NRG3: variants seen among roughly 807,000 people sequenced by gnomAD.
NRG3 encodes neuregulin 3.
A neutral mutation model predicts 66.9 loss-of-function variants in NRG3; 31 were observed. The observed-to-expected ratio is 0.46, with a 90% CI of 0.35 to 0.63. NRG3 has a LOEUF of 0.63. Among genes scored for constraint, NRG3 ranks in the 20% least tolerant of loss-of-function variants. The pLI, the probability that NRG3 is intolerant of heterozygous loss-of-function variation, is 0.00. For missense variants in NRG3, 910 were observed against 878.9 expected, an observed-to-expected ratio of 1.04 and a Z score of -0.45; for synonymous variants, 393 against 359.4, an observed-to-expected ratio of 1.09 and a Z score of -1.06.
intron 3 of NRG3, among the ~76,000 whole-genome samples, chr10:82,852,934 T>C (rs1240378461): frequency 6.6e-6 from 1 of 152,188 alleles, no homozygotes; most frequent in African/African-American, 2.4e-5. Context: ...GTTTCCTCCA[T>C]TGCAGTCAAC....
intron 1 of NRG3, among the ~76,000 whole-genome samples, chr10:81,926,539 T>A (rs77327226): frequency 6.6e-6 from 1 of 152,138 alleles, no homozygotes; most frequent in South Asian, 2.1e-4. Context: ...TATTTTTTTT[T>A]AAGGATCCTG....
chr10:81,937,495 C>G (rs770379025), intron 1 of NRG3, among the ~76,000 whole-genome samples: 3 of 151,988 alleles, frequency 2.0e-5, no homozygotes, highest in Admixed American at 6.6e-5. Flanking sequence ...TTGCATTTCT[C>G]TAAAGATTAG....
chr10:82,481,853 G>C (rs993248423), intron 2 of NRG3, among the ~76,000 whole-genome samples: 2 of 152,112 alleles, frequency 1.3e-5, no homozygotes, highest in African/African-American at 2.4e-5. Flanking sequence ...CAGGCATGGT[G>C]GTGGGTGCCT....
intron 1 of NRG3, among the ~76,000 whole-genome samples, chr10:81,980,713 A>G (rs1453136009): frequency 6.6e-6 from 1 of 152,190 alleles, no homozygotes; most frequent in African/African-American, 2.4e-5. Flanking sequence ...GCTTTAAATA[A>G]CGGAAATTTC....
chr10:82,075,865 G>T (rs1435709370), intron 1 of NRG3, among the ~76,000 whole-genome samples: 5 of 150,730 alleles, frequency 3.3e-5, no homozygotes, highest in Admixed American at 2.7e-4. Flanking sequence ...ACAGAGAGTA[G>T]AATTAAGTGG....
chr10:81,935,180 C>T (rs558904341), intron 1 of NRG3, among the ~76,000 whole-genome samples: 3 of 152,258 alleles, frequency 2.0e-5, no homozygotes, highest in South Asian at 2.1e-4. Flanking sequence ...ATATGGAATT[C>T]GCTTTTTTAT....
At chr10:82,920,889 A>G (rs1424613935) in intron 4 of NRG3, among the ~76,000 whole-genome samples, 4 of 152,170 alleles carry the variant, frequency 2.6e-5, no homozygotes, top group Admixed American at 6.5e-5. Flanking sequence ...AAATGATTCC[A>G]TAAGTAAATA....
At chr10:82,837,133 A>T (rs1171008684) in intron 3 of NRG3, among the ~76,000 whole-genome samples, 1 of 152,128 alleles carries the variant, frequency 6.6e-6, no homozygotes, top group Non-Finnish European at 1.5e-5. Context: ...TTCTTAATCC[A>T]GTCTATCGTT....
chr10:82,697,261 A>C (rs2055461441), intron 2 of NRG3, among the ~76,000 whole-genome samples: 1 of 152,194 alleles, frequency 6.6e-6, no homozygotes, highest in African/African-American at 2.4e-5. Flanking sequence ...TGGATGATGA[A>C]GTAGGAAAAA....
intron 2 of NRG3, among the ~76,000 whole-genome samples, chr10:82,695,245 C>T (rs545365559): frequency 1.2e-3 from 190 of 152,064 alleles, no homozygotes; most frequent in African/African-American, 4.2e-3. Flanking sequence ...CTAGTAATTC[C>T]TAATCATTTA....
At chr10:82,470,098 T>C (rs1841104328) in intron 2 of NRG3, among the ~76,000 whole-genome samples, 3 of 152,210 alleles carry the variant, frequency 2.0e-5, no homozygotes, top group African/African-American at 7.2e-5. Flanking sequence ...CTTTATAACC[T>C]GTTTCTGAGA....
At chr10:82,302,782 C>T (rs1244328074) in intron 1 of NRG3, among the ~76,000 whole-genome samples, 1 of 152,072 alleles carries the variant, frequency 6.6e-6, no homozygotes, top group Non-Finnish European at 1.5e-5. Flanking sequence ...GGACGTTTGC[C>T]CCAATGTGTC....
At chr10:82,906,068 A>G (rs1350386181) in intron 4 of NRG3, among the ~76,000 whole-genome samples, 3 of 152,168 alleles carry the variant, frequency 2.0e-5, no homozygotes, top group Non-Finnish European at 4.4e-5. Flanking sequence ...TATCCTGCTC[A>G]TACAGCTTCA....
At chr10:82,302,525 G>T (rs937267202) in intron 1 of NRG3, among the ~76,000 whole-genome samples, 1 of 152,002 alleles carries the variant, frequency 6.6e-6, no homozygotes, top group African/African-American at 2.4e-5. Flanking sequence ...AGTTTGGGAG[G>T]TAATTGTTAG....
chr10:82,727,827 G>T (rs1480429298), intron 2 of NRG3, among the ~76,000 whole-genome samples: 2 of 152,124 alleles, frequency 1.3e-5, no homozygotes, highest in Non-Finnish European at 2.9e-5. Context: ...AGCTGGGAGG[G>T]ATGCTGTACT....
chr10:82,428,065 C>A (rs1185836088), intron 2 of NRG3, among the ~76,000 whole-genome samples: 1 of 151,868 alleles, frequency 6.6e-6, no homozygotes, highest in Non-Finnish European at 1.5e-5. Context: ...TCTTTCATTT[C>A]TGGCTAGCAA....
chr10:81,968,431 T>C (rs188666702), intron 1 of NRG3, among the ~76,000 whole-genome samples: 1 of 152,290 alleles, frequency 6.6e-6, no homozygotes, highest in East Asian at 1.9e-4. Context: ...GCCACGCAAG[T>C]TGAAGCTGAG....
At chr10:82,719,368 A>G (rs1483050689) in intron 2 of NRG3, among the ~76,000 whole-genome samples, 1 of 152,226 alleles carries the variant, frequency 6.6e-6, no homozygotes, top group African/African-American at 2.4e-5. Flanking sequence ...TGTTCTATAG[A>G]TAAAGATACA....
chr10:82,477,441 A>AT (rs1841885368), intron 2 of NRG3, among the ~76,000 whole-genome samples: 1 of 152,208 alleles, frequency 6.6e-6, no homozygotes, highest in Non-Finnish European at 1.5e-5. Context: ...TTGTATTATT[A>AT]TCCCTTTTGC....
Sources: gnomAD v4.1 joint callset for allele counts (sites outside exome capture counted in the v4.1 genomes callset) on GRCh38, gnomAD v4.1.1 for gene constraint, MANE v1.5 for transcripts, NCBI Gene and HGNC (gene_info 2026-07-23, HGNC 2026-07-21) for gene names.